DCC: variants seen among roughly 807,000 people sequenced by gnomAD.
DCC encodes DCC netrin 1 receptor, also known as netrin receptor DCC.
A neutral mutation model predicts 172.5 loss-of-function variants in DCC; 58 were observed. The observed-to-expected ratio is 0.34, with a 90% CI of 0.27 to 0.42. The LOEUF (loss-of-function observed/expected upper bound fraction) is 0.42, where lower values mean the gene tolerates loss of function less well. Among genes scored for constraint, DCC ranks in the 10% least tolerant of loss-of-function variants. DCC has a pLI of 1.00. For synonymous variants in DCC, 709 were observed against 644.5 expected (o/e 1.10, Z -1.52); for missense variants, 1,740 against 1,791.0 (o/e 0.97, Z 0.51).
chr18:52,814,917 A>C (rs2038265258), intron 2 of DCC, among the ~76,000 whole-genome samples: 1 of 152,196 alleles, frequency 6.6e-6, no homozygotes, highest in Non-Finnish European at 1.5e-5. Context: ...TGATGGCTAA[A>C]AAAAATGAGG....
chr18:52,860,617 C>T lies in DCC; in HGVS notation c.413-45427C>T, dbSNP rs552806876. Among the ~76,000 whole-genome samples, 4 of 152,316 alleles carry T rather than the reference C, an allele frequency of 2.6e-5. No individual in the cohort carries two copies. In the East Asian group the frequency reaches 5.8e-4, roughly 22 times the overall value. The stretch of plus-strand genomic sequence containing the variant: ...CATGTGTAGTAAGACCATTTGTTTG[C>T]AAAATAAATTTTAGTCTTAGAATAC... On this transcript the variant is annotated intron_variant, in intron 2 of 28. Transcript: ENST00000442544.
intron 1 of DCC, among the ~76,000 whole-genome samples, chr18:52,417,417 C>G (rs549675465): frequency 2.0e-5 from 3 of 152,134 alleles, no homozygotes; most frequent in South Asian, 4.1e-4. Context: ...GAATGTTGGC[C>G]TGCCTTGCTA....
At chr18:53,039,477 C>T (rs1473244838) in intron 5 of DCC, among the ~76,000 whole-genome samples, 1 of 151,966 alleles carries the variant, frequency 6.6e-6, no homozygotes, top group Non-Finnish European at 1.5e-5. Flanking sequence ...TCGTAGCCAA[C>T]TAGAATGTTA....
chr18:52,924,587 T>G (rs910070920), intron 4 of DCC, among the ~76,000 whole-genome samples: 6 of 152,112 alleles, frequency 3.9e-5, no homozygotes, highest in Admixed American at 1.3e-4. Flanking sequence ...AAATGGATCT[T>G]ACTTAATTTC....
chr18:53,117,363 G>A (rs1338800595), intron 7 of DCC, among the ~76,000 whole-genome samples: 1 of 151,706 alleles, frequency 6.6e-6, no homozygotes, highest in African/African-American at 2.4e-5. Flanking sequence ...AAGCTCCTTT[G>A]AGGATTAAAG....
chr18:52,984,652 T>A (rs183627272), intron 5 of DCC, among the ~76,000 whole-genome samples: 1 of 152,252 alleles, frequency 6.6e-6, no homozygotes, highest in African/African-American at 2.4e-5. Context: ...TCATACATGC[T>A]CTTTGCCAAT....
At chr18:52,849,886 G>A (rs1598865303) in intron 2 of DCC, among the ~76,000 whole-genome samples, 1 of 151,862 alleles carries the variant, frequency 6.6e-6, no homozygotes, top group Admixed American at 6.6e-5. Context: ...GGATTTTGGA[G>A]GTAAAAAAGA....
intron 1 of DCC, among the ~76,000 whole-genome samples, chr18:52,387,432 C>T (rs542191658): frequency 2.6e-5 from 4 of 152,174 alleles, no homozygotes; most frequent in South Asian, 2.1e-4. Context: ...ATTGTTTTCA[C>T]GTGTATTGAA....
chr18:52,748,590 T>C (rs1423502124), intron 1 of DCC, among the ~76,000 whole-genome samples: 1 of 152,200 alleles, frequency 6.6e-6, no homozygotes, highest in Non-Finnish European at 1.5e-5. Flanking sequence ...CTGCAGCTTC[T>C]TGTCGTCTTG....
At chr18:53,298,010 A>G (rs1393838367) in intron 12 of DCC, among the ~76,000 whole-genome samples, 2 of 152,196 alleles carry the variant, frequency 1.3e-5, no homozygotes, top group Non-Finnish European at 1.5e-5. Flanking sequence ...ATAACTGATT[A>G]TATTAATTAA....
At chr18:53,139,431 T>A (rs553107879) in intron 7 of DCC, among the ~76,000 whole-genome samples, 3 of 152,342 alleles carry the variant, frequency 2.0e-5, no homozygotes, top group South Asian at 2.1e-4. Flanking sequence ...TCCAATGTCA[T>A]GCACTGGTAA....
chr18:52,666,288 C>T lies in DCC; in HGVS notation c.92-85766C>T, dbSNP rs112020485. ...CAGCTTGGGCGACAGAGTGAGACTC[C>T]GTTACAAAAAAAGAAAAAAAAGAAA... On this transcript the variant is annotated intron_variant, in intron 1 of 28. Coordinates refer to ENST00000442544, the MANE Select transcript of DCC (RefSeq NM_005215.4). 5.6e-3 allele frequency among the ~76,000 whole-genome samples: 841 copies of T among 151,400 alleles called. 9 individuals are homozygous for T. Among genetic ancestry groups the T allele is most frequent in the African/African-American group, 0.02 (808 of 41,254 alleles).
intron 8 of DCC, among the ~76,000 whole-genome samples, chr18:53,158,152 A>C (rs976747654): frequency 2.6e-5 from 4 of 151,744 alleles, no homozygotes; most frequent in Admixed American, 1.3e-4. Flanking sequence ...AAAAAAATCA[A>C]ATTTAAAAAA....
At chr18:52,777,474 G>T (rs1294646379) in intron 2 of DCC, among the ~76,000 whole-genome samples, 2 of 151,698 alleles carry the variant, frequency 1.3e-5, no homozygotes, top group East Asian at 3.9e-4. Context: ...CCATCTGTGT[G>T]TCTCACTGGA....
intron 1 of DCC, among the ~76,000 whole-genome samples, chr18:52,741,884 G>A (rs2036827041): frequency 6.6e-6 from 1 of 152,150 alleles, no homozygotes; most frequent in African/African-American, 2.4e-5. Flanking sequence ...CAGAATTCAT[G>A]TATCAAAATC....
chr18:53,137,120 A>G (rs559709833), intron 7 of DCC, among the ~76,000 whole-genome samples: 1 of 152,358 alleles, frequency 6.6e-6, no homozygotes, highest in East Asian at 1.9e-4. Context: ...TGTATAACAA[A>G]TTACTACAAA....
At chr18:53,048,803 G>A (rs1209776398) in intron 5 of DCC, among the ~76,000 whole-genome samples, 2 of 151,690 alleles carry the variant, frequency 1.3e-5, no homozygotes, top group East Asian at 3.9e-4. Context: ...TCCACCAGCA[G>A]GGTATAAGGA....
intron 1 of DCC, among the ~76,000 whole-genome samples, chr18:52,485,407 C>T (rs2030169626): frequency 6.6e-6 from 1 of 152,016 alleles, no homozygotes; most frequent in Non-Finnish European, 1.5e-5. Flanking sequence ...ACTATATCGC[C>T]GGAGAGAATT....
chr18:53,183,963 A>G (rs542498473), intron 9 of DCC, among the ~76,000 whole-genome samples: 1 of 151,194 alleles, frequency 6.6e-6, no homozygotes, highest in South Asian at 2.1e-4. Context: ...AAATATGATA[A>G]CACGTGGGCA....
Sources: gnomAD v4.1 joint callset for allele counts (sites outside exome capture counted in the v4.1 genomes callset) on GRCh38, gnomAD v4.1.1 for gene constraint, MANE v1.5 for transcripts, NCBI Gene and HGNC (gene_info 2026-07-23, HGNC 2026-07-21) for gene names.